Variants in URI1 observed in about 807,000 individuals in gnomAD.
URI1 encodes the protein unconventional prefoldin RPB5 interactor 1.
In URI1, 39 loss-of-function variants were observed where a neutral mutation model predicts 60.2. The ratio of observed to expected loss-of-function variants is 0.65; its 90% CI spans 0.50 to 0.85. The LOEUF (loss-of-function observed/expected upper bound fraction) is 0.85. Ranked by LOEUF, URI1 falls within the 40% of genes least tolerant of loss-of-function variation. The pLI is 0.00. For missense variants in URI1, 691 were observed against 665.9 expected (o/e 1.04, Z -0.42); for synonymous variants, 251 against 236.8 (o/e 1.06, Z -0.55).
rs1279435088 is a variant in URI1, at chr19:29,942,350, C to T, written c.-198C>T. ...GGAGCCCGCTGCGGGGCGGCGGCGGCGGGGACATGCACGTGTGAGATGCGG... is the reference window on the plus strand; with the variant it reads ...GGAGCCCGCTGCGGGGCGGCGGCGGTGGGGACATGCACGTGTGAGATGCGG... On this transcript the variant is annotated 5_prime_UTR_variant, in exon 1 of 11. Coordinates refer to ENST00000392271, the MANE Select transcript of URI1 (RefSeq NM_003796.3). 9.1e-6 allele frequency: 9 copies of T among 984,624 alleles called. No homozygotes were observed. The African/African-American group carries it at 1.4e-4, about 15-fold the overall frequency. 61.0% of individuals were successfully genotyped at this position (984,624 alleles called of 1,614,324 possible).
intron 4 of URI1, among the ~76,000 whole-genome samples, chr19:29,989,064 C>G (rs1482238760): frequency 6.6e-6 from 1 of 151,626 alleles, no homozygotes; most frequent in East Asian, 1.9e-4. Context: ...TCCTCTTTTA[C>G]CTGTTGAACT....
At chr19:29,936,408 A>G (rs1376991817) in intron 1 of URI1, among the ~76,000 whole-genome samples, 1 of 151,934 alleles carries the variant, frequency 6.6e-6, no homozygotes, top group Non-Finnish European at 1.5e-5. Flanking sequence ...CAGCCCCTCT[A>G]TGGTTTCTGA....
intron 4 of URI1, 47 bp downstream of exon 4, chr19:29,986,464 TTC>T: frequency 6.3e-7 from 1 of 1,575,952 alleles, no homozygotes; most frequent in Non-Finnish European, 8.6e-7. Context: ...TATGTATCCA[TTC>T]ACAGATTGCC....
intron 1 of URI1, among the ~76,000 whole-genome samples, chr19:29,927,252 T>A (rs1407760960): frequency 7.1e-6 from 1 of 141,718 alleles, no homozygotes; most frequent in Non-Finnish European, 1.5e-5. Flanking sequence ...GAAGTCTAAT[T>A]TCATCCCTCT....
At chr19:29,967,420 A>G (rs1451134704) in intron 1 of URI1, among the ~76,000 whole-genome samples, 1 of 152,226 alleles carries the variant, frequency 6.6e-6, no homozygotes, top group African/African-American at 2.4e-5. Context: ...ACCTTCACCT[A>G]AACATACACA....
chr19:29,988,228 G>A (rs2055697792), intron 4 of URI1, among the ~76,000 whole-genome samples: 1 of 151,220 alleles, frequency 6.6e-6, no homozygotes, highest in South Asian at 2.1e-4. Context: ...ATTTATACCT[G>A]AAGAAAATAC....
rs965504476 is a variant in URI1, at chr19:29,956,484, G to A, written c.117+13820G>A. On this transcript the variant is annotated intron_variant, in intron 1 of 10. Coordinates refer to ENST00000392271, the MANE Select transcript of URI1 (RefSeq NM_003796.3). Reference sequence around the variant, plus strand: ...CATCCAAAAATTTCCTGATATCCTTGTTTTTAACTGTTGTGGGTTGCTGAA... The same window carrying A: ...CATCCAAAAATTTCCTGATATCCTTATTTTTAACTGTTGTGGGTTGCTGAA... The A allele has an allele frequency of 2.5e-6, 4 of 1,589,622 alleles. No individual in the cohort carries two copies. In the African/African-American group the frequency reaches 5.4e-5, roughly 21 times the overall value.
chr19:29,942,127 A>G, upstream of URI1: 3 of 787,468 alleles, frequency 3.8e-6, no homozygotes, highest in African/African-American at 1.9e-5. Flanking sequence ...CGCCAGCCCC[A>G]GCCACGCGGT....
At chr19:29,984,127 A>T (rs755249419) in intron 2 of URI1, among the ~76,000 whole-genome samples, 3 of 152,178 alleles carry the variant, frequency 2.0e-5, no homozygotes, top group Non-Finnish European at 4.4e-5. Context: ...CAAAAGCTTT[A>T]TTAAATCTCT....
intron 1 of URI1, among the ~76,000 whole-genome samples, chr19:29,932,177 T>TA (rs1293466828): frequency 6.6e-6 from 1 of 152,122 alleles, no homozygotes; most frequent in East Asian, 1.9e-4. Flanking sequence ...TTATGTTAGT[T>TA]ATGGGCTTTT....
chr19:30,004,183 G>C (rs2055911639), intron 4 of URI1: 1 of 152,070 alleles, frequency 6.6e-6, no homozygotes, highest in African/African-American at 2.4e-5. Context: ...CATCAGGGCT[G>C]TGAGATTTTA....
At chr19:29,986,113 A>G (rs1013258180) in intron 3 of URI1, among the ~76,000 whole-genome samples, 169 bp from the exon 4 acceptor site, 1 of 152,170 alleles carries the variant, frequency 6.6e-6, no homozygotes, top group African/African-American at 2.4e-5. Flanking sequence ...AGATTTTCCT[A>G]GTAAAATTTT....
intron 1 of URI1, among the ~76,000 whole-genome samples, chr19:29,949,409 G>T (rs935912216): frequency 2.0e-5 from 3 of 149,500 alleles, no homozygotes; most frequent in African/African-American, 7.4e-5. Flanking sequence ...GGGAAGAGGC[G>T]CTCCCCACTT....
chr19:29,997,513 C>A (rs2055826885), intron 4 of URI1, among the ~76,000 whole-genome samples: 1 of 151,958 alleles, frequency 6.6e-6, no homozygotes, highest in Admixed American at 6.6e-5. Context: ...ATTAATTTTT[C>A]AGCATTTTAT....
At chr19:29,973,639 GGGAGTAAAAATATTTATAGAAAAATA>G (rs1311054499) in intron 2 of URI1, among the ~76,000 whole-genome samples, 1 of 152,060 alleles carries the variant, frequency 6.6e-6, no homozygotes, top group Admixed American at 6.6e-5. Context: ...ATGTAGGACA[GGGAGTAAAAATATTTATAGAAAAATA>G]GGAGTGAAAA....
At chr19:29,974,979 C>A (rs972219629) in intron 2 of URI1, among the ~76,000 whole-genome samples, 1 of 152,092 alleles carries the variant, frequency 6.6e-6, no homozygotes, top group African/African-American at 2.4e-5. Context: ...ATCCAGTTCA[C>A]TGTTGATGGG....
intron 10 of URI1, 134 bp downstream of exon 10, chr19:30,012,665 AAT>A (rs1599729600): frequency 9.1e-7 from 1 of 1,103,652 alleles, no homozygotes. Flanking sequence ...ATAAAAAATT[AAT>A]AGTCACAAAC....
At chr19:29,977,558 C>CTT (rs749382980) in intron 2 of URI1, among the ~76,000 whole-genome samples, 3 of 112,568 alleles carry the variant, frequency 2.7e-5, no homozygotes, top group East Asian at 2.5e-4. Context: ...GTTATTTTTT[C>CTT]TTTTTTTTTT....
chr19:29,987,820 C>T (rs965490659), intron 4 of URI1, among the ~76,000 whole-genome samples: 1 of 152,078 alleles, frequency 6.6e-6, no homozygotes, highest in Non-Finnish European at 1.5e-5. Flanking sequence ...ACATAGATGA[C>T]TTTTGGGATC....
Sources: gnomAD v4.1 joint callset for allele counts (sites outside exome capture counted in the v4.1 genomes callset) on GRCh38, gnomAD v4.1.1 for gene constraint, MANE v1.5 for transcripts, NCBI Gene and HGNC (gene_info 2026-07-23, HGNC 2026-07-21) for gene names.